The following SLC9A9 variants were observed in gnomAD, a reference collection of about 807,000 sequenced individuals.
SLC9A9 encodes the protein sodium/hydrogen exchanger 9.
Under a neutral mutation model 77.8 loss-of-function variants are expected in SLC9A9, and 62 were observed. That is an observed-to-expected ratio of 0.80 (90% CI 0.65 to 0.98). SLC9A9 has a LOEUF of 0.98. Among genes scored for constraint, SLC9A9 ranks in the 50% least tolerant of loss-of-function variants. The probability of loss-of-function intolerance (pLI) is 0.00; values close to 1 mark genes in which losing one functional copy is unlikely to be tolerated. For missense variants in SLC9A9, 775 were observed against 774.9 expected (o/e 1.00, Z 0.00); for synonymous variants, 320 against 283.5 (o/e 1.13, Z -1.29).
chr3:143,631,641 G>C (rs1452322924), intron 6 of SLC9A9, among the ~76,000 whole-genome samples: 1 of 151,984 alleles, frequency 6.6e-6, no homozygotes, highest in South Asian at 2.1e-4. Flanking sequence ...CATAGCAAAT[G>C]GTCCCTAGGC....
In SLC9A9 at chr3:143,372,458, T is replaced by TA. The variant is rs1433687305; in HGVS notation, c.1525-8896dup. ...GTGAACCTCTTTCTCTCTCACCTTA[T>TA]AAAAAAAAACTGAAGATGGATTAAA... On this transcript the variant is annotated intron_variant, in intron 13 of 15. Transcript: ENST00000316549. 7.3e-5 allele frequency among the ~76,000 whole-genome samples: 11 copies of TA among 150,736 alleles called. No individual in the cohort carries two copies. In the South Asian group the frequency reaches 8.4e-4, roughly 11 times the overall value.
At chr3:143,403,148 T>C (rs962914377) in intron 12 of SLC9A9, among the ~76,000 whole-genome samples, 4 of 152,144 alleles carry the variant, frequency 2.6e-5, no homozygotes, top group East Asian at 3.9e-4. Context: ...CAATCTTGCA[T>C]CTTTTTAAAA....
At chr3:143,782,468 C>T (rs1357885582) in intron 4 of SLC9A9, among the ~76,000 whole-genome samples, 1 of 152,192 alleles carries the variant, frequency 6.6e-6, no homozygotes, top group Non-Finnish European at 1.5e-5. Flanking sequence ...GTAAGTTTAG[C>T]TTACAAGTTC....
intron 14 of SLC9A9, among the ~76,000 whole-genome samples, chr3:143,358,431 T>A (rs776887242): frequency 6.6e-6 from 1 of 152,246 alleles, no homozygotes; most frequent in Non-Finnish European, 1.5e-5. Flanking sequence ...AATAAGTCCT[T>A]ATTTTCAGTT....
intron 6 of SLC9A9, among the ~76,000 whole-genome samples, chr3:143,596,634 G>T (rs1456141517): frequency 6.6e-6 from 1 of 151,824 alleles, no homozygotes; most frequent in Non-Finnish European, 1.5e-5. Flanking sequence ...CAAAATGCAG[G>T]GTTTCTCCCT....
At chr3:143,774,921 G>T (rs1433634632) in intron 4 of SLC9A9, among the ~76,000 whole-genome samples, 1 of 152,040 alleles carries the variant, frequency 6.6e-6, no homozygotes, top group East Asian at 1.9e-4. Flanking sequence ...AGCTTTTCTG[G>T]CTTCTCTAAT....
chr3:143,598,461 G>A (rs1184047555), intron 6 of SLC9A9, among the ~76,000 whole-genome samples: 1 of 152,170 alleles, frequency 6.6e-6, no homozygotes, highest in African/African-American at 2.4e-5. Flanking sequence ...ACTAATGGAG[G>A]GTAAATTAGT....
rs114807493 is a variant in SLC9A9, at chr3:143,668,729, C to T, written c.650-16369G>A. On this transcript the variant is annotated intron_variant, in intron 5 of 15. Transcript: ENST00000316549. ...TGAATGAATCTCTGAAGGTCACCCA[C>T]CATGTGGTTAGCTCCTCGAGGATCA... Among the ~76,000 whole-genome samples, 636 of 152,300 alleles carry T rather than the reference C, an allele frequency of 4.2e-3. 2 individuals carry two copies. The highest frequency in any genetic ancestry group is 0.012 in the African/African-American group (513 of 41,564).
At chr3:143,795,135 G>T in intron 3 of SLC9A9, 58 bp from the exon 4 acceptor site, 2 of 1,504,920 alleles carry the variant, frequency 1.3e-6, no homozygotes, top group Non-Finnish European at 1.8e-6. Context: ...TAGTGCAAAA[G>T]AAAATAAAAA....
At chr3:143,587,830 C>G (rs2037569402) in intron 6 of SLC9A9, among the ~76,000 whole-genome samples, 3 of 152,160 alleles carry the variant, frequency 2.0e-5, no homozygotes, top group African/African-American at 7.2e-5. Context: ...TAAACGAGAC[C>G]TGACAAATAA....
At chr3:143,819,825 T>A (rs941232300) in intron 2 of SLC9A9, among the ~76,000 whole-genome samples, 8 of 152,216 alleles carry the variant, frequency 5.3e-5, no homozygotes, top group African/African-American at 1.9e-4. Context: ...GTCTCATTTA[T>A]TTCTTTACAA....
chr3:143,779,060 C>G (rs768410490), intron 4 of SLC9A9, among the ~76,000 whole-genome samples: 4 of 152,092 alleles, frequency 2.6e-5, no homozygotes, highest in Non-Finnish European at 4.4e-5. Flanking sequence ...GATCTTGCTC[C>G]GGGATGTCTT....
intron 4 of SLC9A9, among the ~76,000 whole-genome samples, chr3:143,701,439 G>A (rs1285043673): frequency 6.6e-6 from 1 of 152,108 alleles, no homozygotes; most frequent in African/African-American, 2.4e-5. Context: ...AATTCTATCA[G>A]ATAAATTTAA....
chr3:143,727,942 C>T (rs1326212496), intron 4 of SLC9A9, among the ~76,000 whole-genome samples: 2 of 152,162 alleles, frequency 1.3e-5, no homozygotes, highest in African/African-American at 4.8e-5. Flanking sequence ...CTACCATGGC[C>T]CCATGCCTAT....
intron 8 of SLC9A9, among the ~76,000 whole-genome samples, chr3:143,567,110 G>A (rs564010538): frequency 2.0e-5 from 3 of 152,180 alleles, no homozygotes; most frequent in Non-Finnish European, 4.4e-5. Context: ...TTAGGTAGTC[G>A]TGTATACCAG....
rs780309555 is a variant in SLC9A9 at position 143,574,140 on chromosome 3, A to C, written c.948T>G (p.Phe316Leu). The C allele has an allele frequency of 6.2e-7, 1 of 1,613,614 alleles. No homozygotes were observed. The highest frequency in any genetic ancestry group is 8.5e-7 in the Non-Finnish European group (1 of 1,179,656). ...CEFPMLETGL[F>L]FLLSWSAFLS... ...GGAAGGCACTCCAAGAAAGCAGGAAAAACAGGCCGGTTTCCAGCATCGGGA... is the reference window on the plus strand; with the variant it reads ...GGAAGGCACTCCAAGAAAGCAGGAACAACAGGCCGGTTTCCAGCATCGGGA... Residue 316 changes from phenylalanine (F) to leucine (L), a missense_variant, in exon 8 of 16, where the codon TTT (phenylalanine) becomes TTG (leucine). Phe to Leu is a conservative substitution (Grantham distance 22). Transcript: ENST00000316549.
chr3:143,715,064 C>A (rs1934300348), intron 4 of SLC9A9, among the ~76,000 whole-genome samples: 1 of 152,196 alleles, frequency 6.6e-6, no homozygotes, highest in African/African-American at 2.4e-5. Flanking sequence ...TCCTTGCCTT[C>A]CACCATGATT....
intron 12 of SLC9A9, among the ~76,000 whole-genome samples, chr3:143,395,036 T>C (rs1285252713): frequency 2.0e-5 from 3 of 152,164 alleles, no homozygotes; most frequent in Non-Finnish European, 2.9e-5. Flanking sequence ...AGGTAATTTA[T>C]AGATTCAATG....
At chr3:143,569,147 C>G (rs1478844007) in intron 8 of SLC9A9, among the ~76,000 whole-genome samples, 1 of 151,598 alleles carries the variant, frequency 6.6e-6, no homozygotes, top group African/African-American at 2.4e-5. Flanking sequence ...ATTATAATTC[C>G]AAAATTATTT....
Sources: gnomAD v4.1 joint callset for allele counts (sites outside exome capture counted in the v4.1 genomes callset) on GRCh38, gnomAD v4.1.1 for gene constraint, MANE v1.5 for transcripts, NCBI Gene and HGNC (gene_info 2026-07-23, HGNC 2026-07-21) for gene names.